NAV3: variants seen among roughly 807,000 people sequenced by gnomAD.
NAV3 encodes the protein neuron navigator 3, also known as pore membrane and/or filament interacting like protein 1.
A neutral mutation model predicts 244.7 loss-of-function variants in NAV3; 87 were observed. That is an observed-to-expected ratio of 0.36 (90% confidence interval 0.30 to 0.42). The LOEUF (loss-of-function observed/expected upper bound fraction) is 0.42, where lower values mean the gene tolerates loss of function less well. NAV3 is among the 20% of genes least tolerant of loss of function. NAV3 has a pLI of 1.00. For missense variants in NAV3, 2,663 were observed against 2,893.3 expected, an observed-to-expected ratio of 0.92 and a Z score of 1.83; for synonymous variants, 1,126 against 1,042.2, an observed-to-expected ratio of 1.08 and a Z score of -1.55.
chr12:78,061,327 T>TGTAAA (rs2137449898), intron 12 of NAV3, among the ~76,000 whole-genome samples: 1 of 152,322 alleles, frequency 6.6e-6, no homozygotes. Context: ...ATTTACCCTA[T>TGTAAA]TAGCTGTGTT....
chr12:77,923,172 C>T (rs1887871485), intron 1 of NAV3, among the ~76,000 whole-genome samples: 1 of 151,776 alleles, frequency 6.6e-6, no homozygotes, highest in African/African-American at 2.4e-5. Context: ...TATCAGTTCA[C>T]ATAAAAAGAG....
At chr12:77,727,199 T>C (rs1876918300) in intron 2 of NAV3, among the ~76,000 whole-genome samples, 2 of 151,782 alleles carry the variant, frequency 1.3e-5, no homozygotes, top group African/African-American at 4.8e-5. Flanking sequence ...AGAAAGCTGT[T>C]ATAGTGGGAG....
At chr12:77,810,130 A>G (rs1872208510) in intron 2 of NAV3, among the ~76,000 whole-genome samples, 1 of 152,164 alleles carries the variant, frequency 6.6e-6, no homozygotes, top group Non-Finnish European at 1.5e-5. Flanking sequence ...TACTTAGTTT[A>G]CACATTTTTT....
intron 2 of NAV3, among the ~76,000 whole-genome samples, chr12:77,633,230 G>A (rs1283504945): frequency 6.6e-6 from 1 of 151,964 alleles, no homozygotes; most frequent in Admixed American, 6.6e-5. Context: ...TAATACTCCT[G>A]TAAATCCGTA....
intron 12 of NAV3, among the ~76,000 whole-genome samples, chr12:78,075,504 C>T (rs1240387466): frequency 2.0e-5 from 3 of 152,038 alleles, no homozygotes; most frequent in Non-Finnish European, 4.4e-5. Context: ...TATTTGGTTA[C>T]CTTTATCTCC....
chr12:77,928,454 A>G (rs1363283713), intron 1 of NAV3, among the ~76,000 whole-genome samples: 2 of 152,094 alleles, frequency 1.3e-5, no homozygotes, highest in African/African-American at 4.8e-5. Flanking sequence ...GAGAACCCCT[A>G]CTAGGATTTC....
chr12:78,055,801 A>G (rs1883416132), intron 11 of NAV3, among the ~76,000 whole-genome samples: 1 of 152,182 alleles, frequency 6.6e-6, no homozygotes, highest in East Asian at 1.9e-4. Context: ...TGTAAAAGAG[A>G]CTAGGTTATA....
At chr12:77,957,442 A>G (rs1891469118) in intron 3 of NAV3, among the ~76,000 whole-genome samples, 1 of 152,200 alleles carries the variant, frequency 6.6e-6, no homozygotes, top group African/African-American at 2.4e-5. Flanking sequence ...TTAACTATCC[A>G]TAAGTGTAAA....
chr12:78,172,086 CA>C (rs1430224209), intron 24 of NAV3, among the ~76,000 whole-genome samples: 1 of 151,456 alleles, frequency 6.6e-6, no homozygotes, highest in Non-Finnish European at 1.5e-5. Flanking sequence ...CAATCCACTG[CA>C]AAAATAATGT....
chr12:77,572,067 T>A (rs1434731704), exon 2 of NAV3: 2 of 154,270 alleles, frequency 1.3e-5, no homozygotes, highest in Non-Finnish European at 1.5e-5. Context: ...TTCCTTGGAG[T>A]CGATGAAGTT....
intron 29 of NAV3, 21 bp downstream of exon 29, chr12:78,179,703 A>G: frequency 1.3e-6 from 2 of 1,592,666 alleles, no homozygotes; most frequent in East Asian, 2.3e-5. Flanking sequence ...AAGCACTTTC[A>G]AGGAATAAAA....
At chr12:77,713,377 TAG>T (rs1320919861) in intron 2 of NAV3, among the ~76,000 whole-genome samples, 1 of 152,212 alleles carries the variant, frequency 6.6e-6, no homozygotes, top group Non-Finnish European at 1.5e-5. Context: ...GCCTTATTAA[TAG>T]AGTTTTCAAA....
At chr12:77,951,047 C>T (rs780268515) in intron 3 of NAV3, among the ~76,000 whole-genome samples, 84 of 152,278 alleles carry the variant, frequency 5.5e-4, no homozygotes, top group Middle Eastern at 6.8e-3. Flanking sequence ...GCAATGGCAA[C>T]AAAAGCCAAA....
rs762415430 is a variant in NAV3 at position 78,021,695 on chromosome 12, G to C, written c.1908-52G>C. The stretch of plus-strand genomic sequence containing the variant: ...TCTTGTAGAACTTCCACTTTGATGA[G>C]TGACTAGTGACTATAACTGCTATTT... On this transcript the variant is annotated intron_variant, in intron 8 of 39. Transcript: ENST00000397909. 68 of 1,212,460 alleles carry C rather than the reference G, an allele frequency of 5.6e-5. 5 individuals are homozygous for C. In the Middle Eastern group the frequency reaches 0.012, roughly 218 times the overall value. 75.1% of individuals were successfully genotyped at this position (1,212,460 alleles called of 1,614,324 possible).
chr12:77,905,225 T>C (rs950628783), intron 1 of NAV3, among the ~76,000 whole-genome samples: 1 of 152,124 alleles, frequency 6.6e-6, no homozygotes, highest in African/African-American at 2.4e-5. Flanking sequence ...ATTTATAGAA[T>C]TGCTTTGGGG....
chr12:77,793,606 G>A (rs188843111), intron 2 of NAV3, among the ~76,000 whole-genome samples: 1 of 152,136 alleles, frequency 6.6e-6, no homozygotes, highest in Non-Finnish European at 1.5e-5. Context: ...AGTTTTCTGA[G>A]AATGATGGTT....
At chr12:78,193,395 G>A (rs1365129802) in intron 34 of NAV3, among the ~76,000 whole-genome samples, 1 of 152,156 alleles carries the variant, frequency 6.6e-6, no homozygotes, top group African/African-American at 2.4e-5. Context: ...GGAATGTTAG[G>A]CTGGAAAAGA....
intron 8 of NAV3, among the ~76,000 whole-genome samples, chr12:78,020,047 C>A (rs374117299): frequency 2.2e-4 from 34 of 152,182 alleles, no homozygotes; most frequent in African/African-American, 7.5e-4. Context: ...TGATTGAGAT[C>A]ATTTAGAGAG....
intron 2 of NAV3, among the ~76,000 whole-genome samples, chr12:77,714,388 C>T (rs1266431455): frequency 6.6e-6 from 1 of 152,106 alleles, no homozygotes; most frequent in Non-Finnish European, 1.5e-5. Flanking sequence ...CGGAACTGTG[C>T]TGAGCCCTGT....
Sources: allele counts gnomAD v4.1 joint callset (sites outside exome capture counted in the v4.1 genomes callset), GRCh38; gene constraint gnomAD v4.1.1; transcripts MANE v1.5; gene names NCBI Gene and HGNC (gene_info 2026-07-23, HGNC 2026-07-21).